Variants in RNF144B observed in about 807,000 individuals in gnomAD.
RNF144B encodes the protein E3 ubiquitin-protein ligase RNF144B.
Under a neutral mutation model 40.2 loss-of-function variants are expected in RNF144B, and 25 were observed. That is an observed-to-expected ratio of 0.62 (90% confidence interval 0.45 to 0.87). RNF144B has a LOEUF of 0.87. Ranked by LOEUF, RNF144B falls within the 40% of genes least tolerant of loss-of-function variation. RNF144B has a pLI of 0.00. For synonymous variants in RNF144B, 145 were observed against 136.3 expected (o/e 1.06, Z -0.44); for missense variants, 365 against 373.7 (o/e 0.98, Z 0.19).
Position 18,450,473 on chromosome 6 carries a change from T to C in RNF144B, c.332-6682T>C, listed in dbSNP as rs1759187810. On this transcript the variant is annotated intron_variant, in intron 4 of 7. Coordinates refer to ENST00000259939, the MANE Select transcript of RNF144B (RefSeq NM_182757.4). This position sits in a 1 kb window ranked among gnomAD's most constrained non-coding sequence, Gnocchi z 4.7. Reference sequence around the variant, plus strand: ...CCACCAGGCCTGGCTAATTTTGTATTTTTTAGTAGAGAAGGTGTTTTCACT... The same window carrying C: ...CCACCAGGCCTGGCTAATTTTGTATCTTTTAGTAGAGAAGGTGTTTTCACT... 6.6e-6 allele frequency among the ~76,000 whole-genome samples: 1 copy of C among 152,024 alleles called. No homozygotes were observed. The highest frequency in any genetic ancestry group is 2.1e-4 in the South Asian group (1 of 4,816).
Position 18,414,396 on chromosome 6 carries a change from C to G in RNF144B, c.166-13185C>G, listed in dbSNP as rs1426070195. ...GGAAACTGTTAAGCGTCACTCTTTC[C>G]CAACTTTTGGGTCATTAATATGAGC... is the stretch of plus-strand genomic sequence containing the variant. On this transcript the variant is annotated intron_variant, in intron 2 of 7. Transcript: ENST00000259939. The surrounding 1 kb of genome is among the most constrained non-coding windows in gnomAD (Gnocchi z 4.9). Among the ~76,000 whole-genome samples, 1 of 152,046 alleles carries G rather than the reference C, an allele frequency of 6.6e-6. No homozygotes were observed.
chr6:18,461,066 T>A (rs1043232124), intron 6 of RNF144B, among the ~76,000 whole-genome samples: 1 of 152,188 alleles, frequency 6.6e-6, no homozygotes. Flanking sequence ...GAGTGTGCAG[T>A]TAGCATGTAA....
At chr6:18,404,766 A>G (rs1280191658) in intron 2 of RNF144B, among the ~76,000 whole-genome samples, 1 of 152,242 alleles carries the variant, frequency 6.6e-6, no homozygotes, top group Non-Finnish European at 1.5e-5. Context: ...TGGTGGATAT[A>G]AAAGATTCAG....
intron 1 of RNF144B, among the ~76,000 whole-genome samples, chr6:18,391,589 C>T (rs1015060069): frequency 2.0e-5 from 3 of 152,126 alleles, no homozygotes; most frequent in Non-Finnish European, 4.4e-5. Flanking sequence ...AAGAAAAAGC[C>T]AGTTGCGGTG....
rs1234428821 is a variant in RNF144B at position 18,419,974 on chromosome 6, A to G, written c.166-7607A>G. Reference sequence around the variant, plus strand: ...TGAAAGGCAGGAGGAGATGGGAACCAGAAAAGCAGAGTTGGCTCCTATGTG... The same window carrying G: ...TGAAAGGCAGGAGGAGATGGGAACCGGAAAAGCAGAGTTGGCTCCTATGTG... On this transcript the variant is annotated intron_variant, in intron 2 of 7. Transcript: ENST00000259939. The surrounding 1 kb of genome is among the most constrained non-coding windows in gnomAD (Gnocchi z 4.6). Among the ~76,000 whole-genome samples, 2 of 152,212 alleles carry G rather than the reference A, an allele frequency of 1.3e-5. No homozygotes were observed. The highest frequency in any genetic ancestry group is 2.9e-5 in the Non-Finnish European group (2 of 68,040).
At chr6:18,396,297 A>G (rs763016269) in intron 1 of RNF144B, 14 of 701,620 alleles carry the variant, frequency 2.0e-5, no homozygotes, top group Non-Finnish European at 2.5e-5. Context: ...TTGAGGTATT[A>G]TTAGAGGAAT....
rs774698427 is a variant in RNF144B at position 18,425,304 on chromosome 6, T to G, written c.166-2277T>G. Reference sequence around the variant, plus strand: ...TTCAGTCTTTTTACTTAAATTTCTTTAAGTGGCTGCTGGGGGTCAGTGGGA... The same window carrying G: ...TTCAGTCTTTTTACTTAAATTTCTTGAAGTGGCTGCTGGGGGTCAGTGGGA... On this transcript the variant is annotated intron_variant, in intron 2 of 7. Coordinates refer to ENST00000259939, the MANE Select transcript of RNF144B (RefSeq NM_182757.4). This position sits in a 1 kb window ranked among gnomAD's most constrained non-coding sequence, Gnocchi z 4.2. Among the ~76,000 whole-genome samples the G allele has an allele frequency of 6.6e-5, 10 of 152,152 alleles. No homozygotes were observed. Among genetic ancestry groups the G allele is most frequent in the Non-Finnish European group, 1.2e-4 (8 of 68,026 alleles).
intron 1 of RNF144B, among the ~76,000 whole-genome samples, chr6:18,390,241 C>G (rs1562037061): frequency 6.6e-6 from 1 of 152,168 alleles, no homozygotes. Context: ...TATATGACAC[C>G]TAAGTTAATT....
chr6:18,393,119 CAAA>C (rs10711336), intron 1 of RNF144B, among the ~76,000 whole-genome samples: 17 of 111,382 alleles, frequency 1.5e-4, no homozygotes, highest in Admixed American at 2.7e-4. Flanking sequence ...GACTCCATCT[CAAA>C]AAAAAAAAAA....
Position 18,391,522 on chromosome 6 carries a change from G to A in RNF144B, c.-37+3892G>A, listed in dbSNP as rs187725767. Among the ~76,000 whole-genome samples, 9 of 152,250 alleles carry A rather than the reference G, an allele frequency of 5.9e-5. No homozygotes were observed. The East Asian group carries it at 1.5e-3, about 26-fold the overall frequency. On this transcript the variant is annotated intron_variant, in intron 1 of 7. Transcript: ENST00000259939. ...CTGGGAATGGATTTCTACCTCTTGG[G>A]CCTTACCCTGTAGGGTAATGAGAAC...
At chr6:18,393,300 C>T (rs1231481430) in intron 1 of RNF144B, among the ~76,000 whole-genome samples, 1 of 152,058 alleles carries the variant, frequency 6.6e-6, no homozygotes, top group Non-Finnish European at 1.5e-5. Flanking sequence ...CTTGAATGAC[C>T]AGAGAGCTGG....
chr6:18,394,401 C>G (rs1794649555), intron 1 of RNF144B, among the ~76,000 whole-genome samples: 1 of 152,042 alleles, frequency 6.6e-6, no homozygotes, highest in South Asian at 2.1e-4. Context: ...AGTTCAAGAC[C>G]AGCCTGGTCA....
chr6:18,439,441 G>C (rs1758906378), intron 3 of RNF144B, among the ~76,000 whole-genome samples: 1 of 152,152 alleles, frequency 6.6e-6, no homozygotes, highest in South Asian at 2.1e-4. Flanking sequence ...GAAGGTAGAA[G>C]GTGATCAATG....
rs66505065 is a variant in RNF144B, at chr6:18,467,400, G to GTTTTTTTTTTTTTTTT, written c.*2337_*2352dup. On this transcript the variant is annotated 3_prime_UTR_variant, in exon 8 of 8. Transcript: ENST00000259939. Reference sequence around the variant, plus strand: ...TTGTATCACTGAATTAGCTGCTTTTGTTTTTTTTTTTTTTTTTTTGCCAGG... The same window carrying GTTTTTTTTTTTTTTTT: ...TTGTATCACTGAATTAGCTGCTTTTGTTTTTTTTTTTTTTTTTTTTTTTTTTTTTTTTTTTGCCAGG... The GTTTTTTTTTTTTTTTT allele has an allele frequency of 2.0e-5, 2 of 102,274 alleles. No homozygotes were observed. The highest frequency in any genetic ancestry group is 1.2e-4 in the Admixed American group (1 of 8,568). The allele number at this position is 102,274 out of a possible 1,614,324, so 6.3% of individuals were successfully genotyped here.
chr6:18,399,072 CT>C (rs1794745618), intron 1 of RNF144B, among the ~76,000 whole-genome samples: 2 of 152,088 alleles, frequency 1.3e-5, no homozygotes, highest in South Asian at 4.1e-4. Context: ...TCACATTTTT[CT>C]TTGTGTGTGT....
rs34575166 is a variant in RNF144B, at chr6:18,442,723, C to G, written c.331+2979C>G. Among the ~76,000 whole-genome samples the G allele has an allele frequency of 6.6e-6, 1 of 152,082 alleles. No homozygotes were observed. The highest frequency in any genetic ancestry group is 2.4e-5 in the African/African-American group (1 of 41,416). ...TCCTTATTCCTCCTCCCTGAAACCC[C>G]TAGTAACCTCTAATCCACTTTCTCT... On this transcript the variant is annotated intron_variant, in intron 4 of 7. Transcript: ENST00000259939. The surrounding 1 kb of genome is among the most constrained non-coding windows in gnomAD (Gnocchi z 4.3).
At chr6:18,409,389 A>AG (rs1347306230) in intron 2 of RNF144B, among the ~76,000 whole-genome samples, 8 of 150,068 alleles carry the variant, frequency 5.3e-5, no homozygotes, top group African/African-American at 2.0e-4. Context: ...AAAAAAAAAA[A>AG]AAAAAAAAAA....
At chr6:18,440,114 C>T (rs138643265) in intron 4 of RNF144B, among the ~76,000 whole-genome samples, 41 of 152,248 alleles carry the variant, frequency 2.7e-4, no homozygotes, top group African/African-American at 9.4e-4. Flanking sequence ...ACATTACCAG[C>T]CCAAACATTT....
intron 2 of RNF144B, among the ~76,000 whole-genome samples, chr6:18,411,462 CATATATATATATATAT>C (rs767477071): frequency 0.023 from 1,389 of 59,316 alleles, 171 homozygotes; most frequent in East Asian, 0.11. Flanking sequence ...GTGCATGATT[CATATATATATATATAT>C]ATATATATAT....
Sources: gnomAD v4.1 joint callset for allele counts (sites outside exome capture counted in the v4.1 genomes callset) on GRCh38, gnomAD v4.1.1 for gene constraint, Gnocchi (gnomAD v3.1) non-coding constraint, MANE v1.5 for transcripts, NCBI Gene and HGNC (gene_info 2026-07-23, HGNC 2026-07-21) for gene names.